The following ZPLD1 variants were observed in gnomAD, a reference collection of about 807,000 sequenced individuals.
ZPLD1 encodes the protein zona pellucida-like domain-containing protein 1.
ZPLD1 carries 34 observed loss-of-function variants against 47.2 expected under a neutral mutation model. That is an observed-to-expected ratio of 0.72 (90% CI 0.55 to 0.96). The LOEUF is 0.96. Among genes scored for constraint, ZPLD1 ranks in the 40% least tolerant of loss-of-function variants. The pLI, the probability that ZPLD1 is intolerant of heterozygous loss-of-function variation, is 0.00. For synonymous variants in ZPLD1, 176 were observed against 186.2 expected (o/e 0.95, Z 0.45); for missense variants, 512 against 505.8 (o/e 1.01, Z -0.12).
At chr3:102,464,386 T>C (rs1424086760) in intron 8 of ZPLD1, 135 bp downstream of exon 8, 1 of 584,246 alleles carries the variant, frequency 1.7e-6, no homozygotes, top group Non-Finnish European at 2.9e-6. Flanking sequence ...TTTTGAACTT[T>C]GAGTCCTTAT....
intron 4 of ZPLD1, among the ~76,000 whole-genome samples, chr3:102,453,829 T>C (rs777153354): frequency 4.6e-5 from 7 of 152,196 alleles, no homozygotes; most frequent in African/African-American, 7.2e-5. Context: ...TACTAATGCA[T>C]TGAACACCAA....
In ZPLD1 at chr3:102,450,872, T is replaced by C. The variant is rs1157660055; in HGVS notation, c.107-2047T>C. Among the ~76,000 whole-genome samples the C allele has an allele frequency of 2.6e-5, 4 of 152,318 alleles. No individual in the cohort carries two copies. In the East Asian group the frequency reaches 7.7e-4, roughly 29 times the overall value. On this transcript the variant is annotated intron_variant, in intron 3 of 11. Coordinates refer to ENST00000466937, the MANE Select transcript of ZPLD1 (RefSeq NM_001329788.2). ...AACTGTATTATTTTAGAAAAAAGTA[T>C]CATTTAGAAATTATCTTTGCATTTA...
chr3:102,418,375 C>T (rs564261265), intron 8 of ZPLD1, among the ~76,000 whole-genome samples: 1 of 152,046 alleles, frequency 6.6e-6, no homozygotes. Context: ...TAATGTTTGG[C>T]CTGGGAAGTA....
At chr3:102,386,008 C>T (rs1023376079) in intron 6 of ZPLD1, among the ~76,000 whole-genome samples, 1 of 152,142 alleles carries the variant, frequency 6.6e-6, no homozygotes. Context: ...TGGGTTTCTT[C>T]GAACCGGTAG....
chr3:102,412,558 T>A (rs1706757697), intron 7 of ZPLD1, among the ~76,000 whole-genome samples: 1 of 151,826 alleles, frequency 6.6e-6, no homozygotes, highest in Non-Finnish European at 1.5e-5. Context: ...GGAGATGATG[T>A]ATTAGCTGTA....
At chr3:102,420,639 AT>A (rs896167752) in intron 8 of ZPLD1, among the ~76,000 whole-genome samples, 1 of 151,852 alleles carries the variant, frequency 6.6e-6, no homozygotes, top group Non-Finnish European at 1.5e-5. Context: ...TGTGAAAACT[AT>A]TTTTAGCACG....
chr3:102,411,464 A>C (rs184493239), intron 7 of ZPLD1, among the ~76,000 whole-genome samples: 333 of 151,942 alleles, frequency 2.2e-3, no homozygotes, highest in Non-Finnish European at 3.8e-3. Context: ...CTTTGGAAAA[A>C]CAAGAATAAC....
chr3:102,386,510 A>C (rs1706426983), intron 6 of ZPLD1, among the ~76,000 whole-genome samples: 1 of 152,110 alleles, frequency 6.6e-6, no homozygotes, highest in African/African-American at 2.4e-5. Flanking sequence ...TTTACTTTTG[A>C]AAATGTATTC....
At chr3:102,455,717 T>C (rs1262025681) in intron 4 of ZPLD1, among the ~76,000 whole-genome samples, 2 of 152,050 alleles carry the variant, frequency 1.3e-5, no homozygotes, top group African/African-American at 2.4e-5. Flanking sequence ...GAGATAAACA[T>C]TGCATATGGG....
chr3:102,459,129 C>T (rs563074332), intron 6 of ZPLD1, among the ~76,000 whole-genome samples: 4 of 145,672 alleles, frequency 2.7e-5, no homozygotes, highest in Non-Finnish European at 6.0e-5. Context: ...AGGAAGCTGC[C>T]AAGATACTTG....
At chr3:102,426,065 T>C (rs2058357132) in intron 8 of ZPLD1, among the ~76,000 whole-genome samples, 1 of 151,338 alleles carries the variant, frequency 6.6e-6, no homozygotes, top group South Asian at 2.1e-4. Flanking sequence ...ATACAAACAT[T>C]GAAATAGTAT....
chr3:102,471,855 A>G (rs1707691029), intron 10 of ZPLD1, among the ~76,000 whole-genome samples: 1 of 152,176 alleles, frequency 6.6e-6, no homozygotes. Flanking sequence ...ATTTTTTCTA[A>G]CACTGTAGTT....
chr3:102,471,561 T>C (rs889426920), intron 10 of ZPLD1, among the ~76,000 whole-genome samples: 2 of 152,066 alleles, frequency 1.3e-5, no homozygotes, highest in African/African-American at 2.4e-5. Context: ...CCTACACACA[T>C]ACACACACAC....
chr3:102,425,756 CT>C (rs1480734663), intron 8 of ZPLD1, among the ~76,000 whole-genome samples: 2 of 151,948 alleles, frequency 1.3e-5, no homozygotes, highest in Non-Finnish European at 2.9e-5. Context: ...GTGTTAACTT[CT>C]TAAGTAATAA....
In ZPLD1 at chr3:102,470,135, C is replaced by T. The variant is rs185344030; in HGVS notation, c.934-259C>T. Among the ~76,000 whole-genome samples the T allele has an allele frequency of 5.3e-5, 8 of 152,206 alleles. No homozygotes were observed. In the East Asian group the frequency reaches 1.5e-3, roughly 29 times the overall value. On this transcript the variant is annotated intron_variant, in intron 9 of 11. Coordinates refer to ENST00000466937, the MANE Select transcript of ZPLD1 (RefSeq NM_001329788.2). ...GTAGAAAAGTTTGATAAACACAGCA[C>T]TTTTTCAAGAGAGCCATTGAGCTAT...
Position 102,436,878 on chromosome 3 carries a change from G to A in ZPLD1, c.-104G>A, listed in dbSNP as rs1707098699. On this transcript the variant is annotated 5_prime_UTR_variant, in exon 2 of 12. Transcript: ENST00000466937. The stretch of plus-strand genomic sequence containing the variant: ...TTCTTAGGATACACCTCTGTGTTGG[G>A]GACAACAGTGTGGGTCTAGAGTTTC... 1.0e-6 allele frequency: 1 copy of A among 985,214 alleles called. No individual in the cohort carries two copies. Among genetic ancestry groups the A allele is most frequent in the South Asian group, 4.7e-5 (1 of 21,282 alleles). The allele number at this position is 985,214 out of a possible 1,614,324, so 61.0% of individuals were successfully genotyped here.
intron 7 of ZPLD1, among the ~76,000 whole-genome samples, chr3:102,401,488 A>G (rs1706619635): frequency 6.6e-6 from 1 of 152,124 alleles, no homozygotes; most frequent in African/African-American, 2.4e-5. Flanking sequence ...ATGGGCACTC[A>G]GTCCATTGGA....
chr3:102,389,773 A>G (rs1207838458), intron 6 of ZPLD1, among the ~76,000 whole-genome samples: 2 of 152,190 alleles, frequency 1.3e-5, no homozygotes, highest in African/African-American at 4.8e-5. Flanking sequence ...TGGATGGCAT[A>G]TTCTTAGATG....
At chr3:102,431,466 G>T (rs1276134885), upstream of ZPLD1, among the ~76,000 whole-genome samples, 1 of 152,000 alleles carries the variant, frequency 6.6e-6, no homozygotes, top group Non-Finnish European at 1.5e-5. Context: ...TCCAATGAAG[G>T]TCATATATTT....
Sources: allele counts gnomAD v4.1 joint callset (sites outside exome capture counted in the v4.1 genomes callset), GRCh38; gene constraint gnomAD v4.1.1; transcripts MANE v1.5; gene names NCBI Gene and HGNC (gene_info 2026-07-23, HGNC 2026-07-21).